Variants in GGH observed in about 807,000 individuals in gnomAD.
The protein encoded by GGH is gamma-glutamyl hydrolase, also known as gamma-Glu-X carboxypeptidase.
In GGH, 18 loss-of-function variants were observed where a neutral mutation model predicts 39.2. That is an observed-to-expected ratio of 0.46 (90% CI 0.32 to 0.68). GGH has a LOEUF of 0.68. Among genes scored for constraint, GGH ranks in the 30% least tolerant of loss-of-function variants. GGH has a pLI of 0.04. For missense variants in GGH, 367 were observed against 384.1 expected, an observed-to-expected ratio of 0.96 and a Z score of 0.37; for synonymous variants, 147 against 138.8, an observed-to-expected ratio of 1.06 and a Z score of -0.42.
intron 2 of GGH, among the ~76,000 whole-genome samples, chr8:63,032,980 C>T (rs1011243208): frequency 6.6e-5 from 10 of 152,230 alleles, no homozygotes; most frequent in Non-Finnish European, 1.3e-4. Context: ...ATCATTCCCA[C>T]ACCACCAGTG....
At chr8:63,026,950 A>G (rs1201730586) in intron 4 of GGH, 4 of 520,648 alleles carry the variant, frequency 7.7e-6, no homozygotes, top group African/African-American at 4.0e-5. Flanking sequence ...ATTAACAAGC[A>G]TCAAGAGAGG....
At chr8:63,021,313 T>C (rs1160522029) in intron 7 of GGH, among the ~76,000 whole-genome samples, 2 of 152,216 alleles carry the variant, frequency 1.3e-5, no homozygotes, top group Admixed American at 1.3e-4. Context: ...TTTGCTGGTA[T>C]GAACAAAATG....
intron 1 of GGH, 50 bp downstream of exon 1, chr8:63,038,610 C>T: frequency 7.8e-6 from 8 of 1,022,732 alleles, no homozygotes; most frequent in Non-Finnish European, 1.1e-5. Context: ...GCGCCCAGCG[C>T]CAACACCCAG....
chr8:63,031,494 GACCCAGA>G (rs1804801156), intron 2 of GGH, among the ~76,000 whole-genome samples: 1 of 152,116 alleles, frequency 6.6e-6, no homozygotes, highest in Non-Finnish European at 1.5e-5. Context: ...AGCCAGTCAG[GACCCAGA>G]ATTCTCCCCA....
chr8:63,019,017 T>G (rs1322508598), intron 7 of GGH, among the ~76,000 whole-genome samples: 1 of 152,176 alleles, frequency 6.6e-6, no homozygotes, highest in Non-Finnish European at 1.5e-5. Context: ...AACAGCAATA[T>G]GAATTTTGCT....
intron 3 of GGH, among the ~76,000 whole-genome samples, chr8:63,027,888 C>A (rs556661465): frequency 1.3e-5 from 2 of 151,800 alleles, no homozygotes; most frequent in South Asian, 4.2e-4. Flanking sequence ...ATTTTACACA[C>A]TTATAAAGGT....
chr8:63,027,574 TA>T (rs1330787132), intron 3 of GGH, among the ~76,000 whole-genome samples: 5 of 152,232 alleles, frequency 3.3e-5, no homozygotes. Flanking sequence ...TACACAGAGC[TA>T]GACATCAAAG....
intron 2 of GGH, among the ~76,000 whole-genome samples, chr8:63,033,915 T>A (rs1249268941): frequency 2.0e-5 from 3 of 151,208 alleles, no homozygotes; most frequent in African/African-American, 7.3e-5. Flanking sequence ...GGCCTCCAGC[T>A]GCATTCACAT....
intron 5 of GGH, 60 bp from the exon 6 acceptor site, chr8:63,024,246 G>C (rs1346375510): frequency 8.4e-6 from 8 of 948,226 alleles, no homozygotes; most frequent in African/African-American, 4.9e-5. Context: ...ATCCACTGAA[G>C]TCACTTACTG....
chr8:63,017,524 T>G lies in GGH; in HGVS notation c.804A>C (p.Ala268=), dbSNP rs948466474. 2 of 1,611,162 alleles carry G rather than the reference T, an allele frequency of 1.2e-6. No individual in the cohort carries two copies. Among genetic ancestry groups the G allele is most frequent in the Admixed American group, 3.4e-5 (2 of 59,568 alleles). The change falls in exon 8 of 9, where the codon GCA becomes GCC. Residue 268 remains alanine, a synonymous_variant. Transcript: ENST00000260118. The part of the protein sequence containing the change: ...ISHAPNAVKT[A]FYLAEFFVNE... The stretch of plus-strand genomic sequence containing the variant: ...TAACAAAAAACTCTGCTAAATAAAA[T>G]GCGGTTTTCACAGCATTAGGTGCAT...
intron 7 of GGH, among the ~76,000 whole-genome samples, chr8:63,019,441 T>A (rs1180070143): frequency 6.6e-6 from 1 of 152,104 alleles, no homozygotes; most frequent in African/African-American, 2.4e-5. Flanking sequence ...TTTTAACAGG[T>A]GGGATCAAGA....
At chr8:63,032,218 A>G (rs1359622718) in intron 2 of GGH, among the ~76,000 whole-genome samples, 1 of 151,902 alleles carries the variant, frequency 6.6e-6, no homozygotes, top group African/African-American at 2.4e-5. Context: ...AAAATTTTTT[A>G]TAGATAGGGG....
At chr8:63,036,352 A>G (rs910515920) in intron 1 of GGH, among the ~76,000 whole-genome samples, 4 of 152,186 alleles carry the variant, frequency 2.6e-5, no homozygotes, top group African/African-American at 4.8e-5. Context: ...CAGTCATTCA[A>G]TATATACTGT....
At chr8:63,017,796 G>A in intron 7 of GGH, 166 bp from the exon 8 acceptor site, 1 of 511,592 alleles carries the variant, frequency 2.0e-6, no homozygotes, top group Non-Finnish European at 3.4e-6. Context: ...CATAATCAAT[G>A]TGAAAATTCC....
chr8:63,030,853 G>A (rs1348484472), intron 2 of GGH, among the ~76,000 whole-genome samples: 1 of 151,852 alleles, frequency 6.6e-6, no homozygotes, highest in Non-Finnish European at 1.5e-5. Flanking sequence ...CCTAACAATC[G>A]CCATGTTATT....
chr8:63,015,539 C>A (rs1804470325), intron 8 of GGH, 86 bp from the exon 9 acceptor site: 8 of 746,142 alleles, frequency 1.1e-5, no homozygotes, highest in East Asian at 3.0e-5. Flanking sequence ...CTGCAATCAG[C>A]ATTATTAAGT....
chr8:63,038,583 G>C (rs571549892), intron 1 of GGH, 77 bp downstream of exon 1: 2 of 718,300 alleles, frequency 2.8e-6, no homozygotes, highest in Admixed American at 7.3e-5. Context: ...GCGCCAGCTG[G>C]AGCGCGGCGG....
chr8:63,031,015 G>T (rs538294823), intron 2 of GGH, among the ~76,000 whole-genome samples: 28 of 152,304 alleles, frequency 1.8e-4, no homozygotes, highest in Admixed American at 1.8e-3. Flanking sequence ...TGAAATCCTT[G>T]CAAGAACTCT....
intron 1 of GGH, among the ~76,000 whole-genome samples, chr8:63,037,665 G>A (rs1804936507): frequency 1.3e-5 from 2 of 152,210 alleles, no homozygotes; most frequent in Admixed American, 1.3e-4. Context: ...TTGACGCAGG[G>A]CTACCCCTGA....
Sources: allele counts gnomAD v4.1 joint callset (sites outside exome capture counted in the v4.1 genomes callset), GRCh38; gene constraint gnomAD v4.1.1; transcripts MANE v1.5; gene names NCBI Gene and HGNC (gene_info 2026-07-23, HGNC 2026-07-21).